Variants in TRAK1 observed in about 807,000 individuals in gnomAD.
TRAK1 encodes the protein trafficking kinesin-binding protein 1.
A neutral mutation model predicts 92.1 loss-of-function variants in TRAK1; 33 were observed. The observed-to-expected ratio is 0.36, with a 90% confidence interval of 0.27 to 0.48. The LOEUF is 0.48. TRAK1 is among the 20% of genes least tolerant of loss of function. TRAK1 has a pLI of 0.99. For missense variants in TRAK1, 1,123 were observed against 1,257.9 expected, an observed-to-expected ratio of 0.89 and a Z score of 1.62; for synonymous variants, 521 against 517.3, an observed-to-expected ratio of 1.01 and a Z score of -0.10.
At chr3:42,091,896 G>T (rs1357164326) in intron 1 of TRAK1, among the ~76,000 whole-genome samples, 4 of 152,078 alleles carry the variant, frequency 2.6e-5, no homozygotes, top group Non-Finnish European at 5.9e-5. Context: ...TCCCTTCACA[G>T]TTCTCTGCAG....
chr3:42,124,295 A>G (rs1451654239), intron 1 of TRAK1, among the ~76,000 whole-genome samples: 1 of 152,148 alleles, frequency 6.6e-6, no homozygotes, highest in East Asian at 1.9e-4. Context: ...GGTTGACAAA[A>G]CCACTGCTGT....
rs769865647 is a variant in TRAK1, at chr3:42,209,781, C to T, written c.1759C>T (p.His587Tyr). The change falls in exon 14 of 16, where the codon CAC (histidine) becomes TAC (tyrosine). Residue 587 changes from histidine (H) to tyrosine (Y), a missense_variant. Transcript: ENST00000327628. ...TCTCCTGCAAGGTTCCGCCACACTTCACCACTGGCAGCAGTTGGCCCAACC... is the reference window on the plus strand; with the variant it reads ...TCTCCTGCAAGGTTCCGCCACACTTTACCACTGGCAGCAGTTGGCCCAACC... ...VKPLEGSATL[H>Y]HWQQLAQPHL... 10 of 1,614,136 alleles carry T rather than the reference C, an allele frequency of 6.2e-6. No homozygotes were observed. The South Asian group carries it at 6.6e-5, about 11-fold the overall frequency.
chr3:42,114,910 G>C lies in TRAK1; in HGVS notation c.92-10510G>C, dbSNP rs145397962. Among the ~76,000 whole-genome samples, 177 of 152,074 alleles carry C rather than the reference G, an allele frequency of 1.2e-3. 4 individuals carry two copies. The East Asian group carries it at 0.033, about 28-fold the overall frequency. On this transcript the variant is annotated intron_variant, in intron 1 of 15. Coordinates refer to ENST00000327628, the MANE Select transcript of TRAK1 (RefSeq NM_001042646.3). Reference sequence around the variant, plus strand: ...GTATTTTTTGTAAAGATGGGGTTTTGCTGTGTTGGCCAGGCTGATCTCGAA... The same window carrying C: ...GTATTTTTTGTAAAGATGGGGTTTTCCTGTGTTGGCCAGGCTGATCTCGAA...
At chr3:42,206,455 A>G (rs1283805087) in intron 13 of TRAK1, among the ~76,000 whole-genome samples, 1 of 152,222 alleles carries the variant, frequency 6.6e-6, no homozygotes, top group East Asian at 1.9e-4. Flanking sequence ...GAGTTAAGAG[A>G]ATGGACACTG....
intron 7 of TRAK1, 119 bp downstream of exon 7, chr3:42,191,755 C>T (rs1380929461): frequency 8.8e-7 from 1 of 1,131,060 alleles, no homozygotes; most frequent in African/African-American, 1.6e-5. Context: ...CAGCATTTTT[C>T]TTAAAACTAG....
At chr3:42,145,386 C>T (rs767624544) in intron 2 of TRAK1, among the ~76,000 whole-genome samples, 1 of 151,076 alleles carries the variant, frequency 6.6e-6, no homozygotes, top group Non-Finnish European at 1.5e-5. Context: ...CTTGGGAGGC[C>T]GAGGCATGAG....
chr3:42,184,823 C>T, intron 4 of TRAK1, 22 bp downstream of exon 4: 2 of 1,604,560 alleles, frequency 1.2e-6, no homozygotes, highest in Non-Finnish European at 1.7e-6. Context: ...GAGGCCGAGG[C>T]TTCCAGAGGG....
intron 2 of TRAK1, among the ~76,000 whole-genome samples, chr3:42,167,014 C>G (rs1438047172): frequency 1.3e-5 from 2 of 152,204 alleles, no homozygotes; most frequent in African/African-American, 4.8e-5. Context: ...AAGACAGATG[C>G]ATTAAAAGGA....
At chr3:42,178,432 A>G (rs937305867) in intron 3 of TRAK1, among the ~76,000 whole-genome samples, 7 of 151,854 alleles carry the variant, frequency 4.6e-5, no homozygotes, top group East Asian at 1.9e-4. Context: ...TTGGCCTTCT[A>G]TGGCATTTAA....
chr3:42,137,834 G>C (rs11709411), intron 2 of TRAK1, among the ~76,000 whole-genome samples: 94,183 of 151,976 alleles, frequency 0.62, 29,465 homozygotes, highest in South Asian at 0.77. Context: ...CATCATCCAC[G>C]GACTAAATAT....
At chr3:42,160,578 T>TA (rs1701168429) in intron 2 of TRAK1, 4 of 1,271,034 alleles carry the variant, frequency 3.1e-6, no homozygotes, top group African/African-American at 1.5e-5. Context: ...TGTTTTTTTT[T>TA]AAGTTGAGGT....
At position 42,214,967 on chromosome 3, in the gene TRAK1, C is replaced by G. The variant is rs187227557; in HGVS notation, c.1964-4527C>G. Among the ~76,000 whole-genome samples, 28 of 152,328 alleles carry G rather than the reference C, an allele frequency of 1.8e-4. No homozygotes were observed. In the East Asian group the frequency reaches 5.0e-3, roughly 27 times the overall value. ...TATTTTTTAAAACAAGAAAGTTGCA[C>G]TGTTGCATCTGAAACTGCTCTTGAT... On this transcript the variant is annotated intron_variant, in intron 14 of 15. Coordinates refer to ENST00000327628, the MANE Select transcript of TRAK1 (RefSeq NM_001042646.3).
intron 1 of TRAK1, among the ~76,000 whole-genome samples, chr3:42,105,682 C>A (rs1371701667): frequency 6.6e-6 from 1 of 152,158 alleles, no homozygotes; most frequent in East Asian, 1.9e-4. Context: ...CACAAAGATA[C>A]TCCTCAAGAA....
intron 1 of TRAK1, among the ~76,000 whole-genome samples, chr3:42,014,301 A>G (rs891989496): frequency 6.6e-6 from 1 of 152,160 alleles, no homozygotes; most frequent in East Asian, 1.9e-4. Context: ...CGGAGCCCGG[A>G]AAAGTGCCCC....
At chr3:42,049,868 C>T (rs996524718) in intron 1 of TRAK1, among the ~76,000 whole-genome samples, 14 of 152,154 alleles carry the variant, frequency 9.2e-5, no homozygotes, top group Admixed American at 2.6e-4. Context: ...CTGTTCTATG[C>T]ATCGTCTCTG....
intron 3 of TRAK1, 27 bp from the exon 4 acceptor site, chr3:42,184,658 C>A: frequency 1.9e-6 from 3 of 1,603,838 alleles, no homozygotes; most frequent in Admixed American, 1.7e-5. Context: ...TCTTTTGAAT[C>A]TCTGTTCTCC....
At chr3:42,094,463 A>G (rs1187183221) in intron 1 of TRAK1, among the ~76,000 whole-genome samples, 1 of 152,010 alleles carries the variant, frequency 6.6e-6, no homozygotes, top group African/African-American at 2.4e-5. Context: ...TGCAATCTTG[A>G]ACTCCTGGGC....
chr3:42,052,991 G>C (rs1316949747), intron 1 of TRAK1, among the ~76,000 whole-genome samples: 4 of 152,186 alleles, frequency 2.6e-5, no homozygotes, highest in African/African-American at 4.8e-5. Flanking sequence ...AAGACAGGGG[G>C]AGCTGACTGA....
chr3:42,165,155 T>C (rs1701704977), intron 2 of TRAK1, among the ~76,000 whole-genome samples: 1 of 152,128 alleles, frequency 6.6e-6, no homozygotes, highest in Non-Finnish European at 1.5e-5. Context: ...GGTCTGGAGT[T>C]TGCTGAGTGT....
Sources: allele counts gnomAD v4.1 joint callset (sites outside exome capture counted in the v4.1 genomes callset), GRCh38; gene constraint gnomAD v4.1.1; transcripts MANE v1.5; gene names NCBI Gene and HGNC (gene_info 2026-07-23, HGNC 2026-07-21).